FRYL: variants seen among roughly 807,000 people sequenced by gnomAD.
The protein encoded by FRYL is FRY like transcription coactivator, also known as protein furry homolog-like.
FRYL carries 150 observed loss-of-function variants against 351.2 expected under a neutral mutation model. The observed-to-expected ratio is 0.43, with a 90% confidence interval of 0.37 to 0.49. The LOEUF is 0.49. Ranked by LOEUF, FRYL falls within the 20% of genes least tolerant of loss-of-function variation. The pLI, the probability that FRYL is intolerant of heterozygous loss-of-function variation, is 0.00. For missense variants in FRYL, 3,036 were observed against 3,619.3 expected, an observed-to-expected ratio of 0.84 and a Z score of 4.13; for synonymous variants, 1,153 against 1,257.1, an observed-to-expected ratio of 0.92 and a Z score of 1.75.
intron 8 of FRYL, among the ~76,000 whole-genome samples, chr4:48,609,286 T>C (rs1747539920): frequency 6.6e-6 from 1 of 152,202 alleles, no homozygotes; most frequent in Non-Finnish European, 1.5e-5. Context: ...CTAAGAATTA[T>C]TTTCACAAAA....
chr4:48,683,038 A>C (rs1386350636), intron 3 of FRYL, among the ~76,000 whole-genome samples: 1 of 152,208 alleles, frequency 6.6e-6, no homozygotes, highest in African/African-American at 2.4e-5. Flanking sequence ...TCAATGATAA[A>C]CTGGAGAAAA....
rs1208675788 is a variant in FRYL, at chr4:48,595,777, A to C, written c.1140-79T>G. On this transcript the variant is annotated intron_variant, in intron 14 of 63. Transcript: ENST00000358350. ...GCAAAAAATTCTTCCTATTCTTCATAATATATTGACAGAATTCATATTCCA... is the reference window on the plus strand; with the variant it reads ...GCAAAAAATTCTTCCTATTCTTCATCATATATTGACAGAATTCATATTCCA... The C allele has an allele frequency of 3.4e-5, 38 of 1,109,996 alleles. No individual in the cohort carries two copies. In the Admixed American group the frequency reaches 8.1e-4, roughly 24 times the overall value. The allele number at this position is 1,109,996 out of a possible 1,614,324, so 68.8% of individuals were successfully genotyped here.
intron 1 of FRYL, among the ~76,000 whole-genome samples, chr4:48,761,800 G>A (rs904261817): frequency 4.6e-5 from 7 of 152,190 alleles, no homozygotes; most frequent in African/African-American, 1.4e-4. Flanking sequence ...ATATCATACA[G>A]CCTAGATGTG....
chr4:48,534,774 T>C (rs547668168), intron 48 of FRYL, 89 bp from the exon 49 acceptor site: 81 of 792,424 alleles, frequency 1.0e-4, no homozygotes, highest in Non-Finnish European at 1.3e-4. Context: ...TTGGAAAACA[T>C]AGATTTAGCC....
intron 27 of FRYL, 110 bp downstream of exon 27, chr4:48,570,717 G>T (rs1195694567): frequency 2.7e-6 from 2 of 734,650 alleles, no homozygotes; most frequent in African/African-American, 3.5e-5. Context: ...ATACATACAG[G>T]TTTTCTTGTT....
chr4:48,574,606 A>G (rs571774221), intron 25 of FRYL: 35 of 152,336 alleles, frequency 2.3e-4, no homozygotes, highest in African/African-American at 7.9e-4. Context: ...GGAAATTCTC[A>G]AAAGAATAAA....
intron 53 of FRYL, among the ~76,000 whole-genome samples, chr4:48,525,859 G>A (rs571976760): frequency 5.0e-4 from 76 of 151,888 alleles, no homozygotes; most frequent in Non-Finnish European, 1.9e-4. Flanking sequence ...GAATGTGTAT[G>A]AGCTGTATAT....
chr4:48,501,869 A>G, intron 61 of FRYL, 136 bp from the exon 62 acceptor site: 2 of 610,598 alleles, frequency 3.3e-6, no homozygotes, highest in East Asian at 5.6e-5. Context: ...GAAGCTGATG[A>G]AAGGCACGTG....
At chr4:48,675,766 C>G (rs1391893671) in intron 3 of FRYL, among the ~76,000 whole-genome samples, 1 of 152,216 alleles carries the variant, frequency 6.6e-6, no homozygotes, top group Non-Finnish European at 1.5e-5. Context: ...CACCTGCAGC[C>G]CCTGTGCAGG....
intron 3 of FRYL, among the ~76,000 whole-genome samples, chr4:48,643,024 T>C (rs1755635598): frequency 6.6e-6 from 1 of 152,178 alleles, no homozygotes; most frequent in Admixed American, 6.5e-5. Context: ...ATTTTTGTTC[T>C]CCACTCTTCC....
chr4:48,739,938 T>A (rs1466659043), intron 1 of FRYL, among the ~76,000 whole-genome samples: 3 of 152,212 alleles, frequency 2.0e-5, no homozygotes, highest in Non-Finnish European at 4.4e-5. Flanking sequence ...CACGCAGCCA[T>A]GTGAAACCCT....
At chr4:48,741,839 G>T (rs1408019130) in intron 1 of FRYL, among the ~76,000 whole-genome samples, 3 of 152,174 alleles carry the variant, frequency 2.0e-5, no homozygotes, top group East Asian at 3.8e-4. Context: ...ACTATAGAGA[G>T]AATTAAAACA....
chr4:48,731,808 T>C (rs892826595), intron 1 of FRYL, among the ~76,000 whole-genome samples: 2 of 152,156 alleles, frequency 1.3e-5, no homozygotes, highest in Non-Finnish European at 2.9e-5. Context: ...GACTTAAACA[T>C]AAGACCTAGG....
intron 1 of FRYL, among the ~76,000 whole-genome samples, chr4:48,720,264 G>A (rs1281295042): frequency 1.4e-4 from 22 of 152,126 alleles, no homozygotes; most frequent in African/African-American, 2.7e-4. Context: ...TTGCGAGGCC[G>A]AGGTGGGGAG....
intron 1 of FRYL, among the ~76,000 whole-genome samples, chr4:48,723,967 T>C (rs556679908): frequency 2.8e-5 from 4 of 143,454 alleles, no homozygotes; most frequent in Non-Finnish European, 4.5e-5. Flanking sequence ...ATAATAATAA[T>C]AACAAAAAAA....
intron 1 of FRYL, among the ~76,000 whole-genome samples, chr4:48,777,058 CTATT>C (rs1160118804): frequency 1.3e-5 from 2 of 152,124 alleles, no homozygotes; most frequent in Non-Finnish European, 2.9e-5. Context: ...AAAACAAAAA[CTATT>C]TAGAGCAAGA....
At chr4:48,539,596 A>C (rs950159124) in intron 47 of FRYL, among the ~76,000 whole-genome samples, 1 of 151,432 alleles carries the variant, frequency 6.6e-6, no homozygotes, top group African/African-American at 2.4e-5. Context: ...TGCATTCCCC[A>C]TGATAAAGTA....
At chr4:48,759,025 G>C (rs918747900) in intron 1 of FRYL, among the ~76,000 whole-genome samples, 1 of 152,152 alleles carries the variant, frequency 6.6e-6, no homozygotes. Context: ...GGTGGGAATT[G>C]AAGAATGAGA....
chr4:48,535,083 G>T (rs1369737209), intron 48 of FRYL, among the ~76,000 whole-genome samples: 1 of 151,996 alleles, frequency 6.6e-6, no homozygotes, highest in African/African-American at 2.4e-5. Flanking sequence ...TTAACTTTTT[G>T]TGCTGTTCTA....
Sources: gnomAD v4.1 joint callset for allele counts (sites outside exome capture counted in the v4.1 genomes callset) on GRCh38, gnomAD v4.1.1 for gene constraint, MANE v1.5 for transcripts, NCBI Gene and HGNC (gene_info 2026-07-23, HGNC 2026-07-21) for gene names.